Variants in REDIC1 observed in about 807,000 individuals in gnomAD.
REDIC1 encodes regulator of DNA class I crossover intermediates 1.
At chr12:39,742,445 T>C in the REDIC1 span, among the ~76,000 whole-genome samples, 1 of 152,214 alleles carries the variant, frequency 6.6e-6, no homozygotes, top group Admixed American at 6.5e-5. Flanking sequence ...AGATTTCTGA[T>C]TAAACTTCAG....
At chr12:39,773,777 C>A in the REDIC1 span, among the ~76,000 whole-genome samples, 1 of 152,176 alleles carries the variant, frequency 6.6e-6, no homozygotes, top group Non-Finnish European at 1.5e-5. Flanking sequence ...CTTCCAACTT[C>A]ATATATTGAG....
the REDIC1 span, among the ~76,000 whole-genome samples, chr12:39,652,310 A>G: frequency 6.6e-6 from 1 of 152,146 alleles, no homozygotes; most frequent in African/African-American, 2.4e-5. Flanking sequence ...TAAAAAAACT[A>G]CCGAACTATT....
the REDIC1 span, among the ~76,000 whole-genome samples, chr12:39,657,399 A>G: frequency 6.6e-6 from 1 of 152,212 alleles, no homozygotes; most frequent in African/African-American, 2.4e-5. Flanking sequence ...CACAATGACA[A>G]AATTGCCTAA....
the REDIC1 span, among the ~76,000 whole-genome samples, chr12:39,881,747 T>C: frequency 6.6e-6 from 1 of 152,154 alleles, no homozygotes; most frequent in Non-Finnish European, 1.5e-5. Context: ...TTTAGATACC[T>C]CTGGGCCTGA....
chr12:39,788,971 T>G, the REDIC1 span, among the ~76,000 whole-genome samples: 1 of 152,106 alleles, frequency 6.6e-6, no homozygotes, highest in Non-Finnish European at 1.5e-5. Flanking sequence ...GCAAACAAAA[T>G]CGGATTGATG....
the REDIC1 span, among the ~76,000 whole-genome samples, chr12:39,653,492 G>GCCTTCTTCTTCTTCTTCTTCTTCT: frequency 1.8e-5 from 1 of 54,288 alleles, no homozygotes; most frequent in Non-Finnish European, 4.3e-5. Context: ...CAATCTGGAT[G>GCCTTCTTCTTCTTCTTCTTCTTCT]TCTTCTTCTT....
At chr12:39,714,169 A>ATATATGTATATACGTATGTAGACGTG in the REDIC1 span, among the ~76,000 whole-genome samples, 1 of 146,832 alleles carries the variant, frequency 6.8e-6, no homozygotes, top group African/African-American at 2.4e-5. Flanking sequence ...ATATATGCGT[A>ATATATGTATATACGTATGTAGACGTG]TATGTATATA....
the REDIC1 span, among the ~76,000 whole-genome samples, chr12:39,875,653 A>T: frequency 6.6e-6 from 1 of 152,204 alleles, no homozygotes; most frequent in Non-Finnish European, 1.5e-5. Context: ...TTTAAAAGGT[A>T]ATCAGTTCTA....
chr12:39,653,414 G>A, the REDIC1 span, among the ~76,000 whole-genome samples: 2 of 151,692 alleles, frequency 1.3e-5, no homozygotes, highest in South Asian at 2.1e-4. Context: ...TAATAGTTGA[G>A]TAGGGGTTTT....
At chr12:39,721,305 C>A in the REDIC1 span, 1 of 1,443,658 alleles carries the variant, frequency 6.9e-7, no homozygotes, top group Non-Finnish European at 9.5e-7. Flanking sequence ...TAGAAAACAA[C>A]AGTAAATGTT....
chr12:39,895,524 AT>A, the REDIC1 span, among the ~76,000 whole-genome samples: 1 of 28,606 alleles, frequency 3.5e-5, no homozygotes, highest in Non-Finnish European at 7.2e-5. Flanking sequence ...TTATATATAT[AT>A]ATATATATAT....
the REDIC1 span, chr12:39,721,292 C>T: frequency 5.3e-6 from 8 of 1,512,270 alleles, no homozygotes; most frequent in Non-Finnish European, 5.4e-6. Context: ...TTTCACTTGC[C>T]CTTAGAAAAC....
chr12:39,870,989 T>C, the REDIC1 span, among the ~76,000 whole-genome samples: 1 of 152,212 alleles, frequency 6.6e-6, no homozygotes, highest in Non-Finnish European at 1.5e-5. Context: ...AACTATCTTT[T>C]AATGGAAAAA....
At chr12:39,757,347 A>G in the REDIC1 span, 2 of 151,886 alleles carry the variant, frequency 1.3e-5, no homozygotes, top group African/African-American at 4.8e-5. Flanking sequence ...ATTGTCCTAC[A>G]AAATATATAT....
At chr12:39,680,114 AAAAC>A in the REDIC1 span, among the ~76,000 whole-genome samples, 2 of 152,222 alleles carry the variant, frequency 1.3e-5, no homozygotes, top group African/African-American at 4.8e-5. Context: ...AAATGCAACA[AAAAC>A]AAAAATAAAC....
chr12:39,769,388 A>G, the REDIC1 span, among the ~76,000 whole-genome samples: 1 of 152,130 alleles, frequency 6.6e-6, no homozygotes. Flanking sequence ...AGGACTTGAT[A>G]CATTTGAATC....
the REDIC1 span, among the ~76,000 whole-genome samples, chr12:39,821,386 G>A: frequency 6.6e-6 from 1 of 151,942 alleles, no homozygotes; most frequent in African/African-American, 2.4e-5. Flanking sequence ...CTCCAGCCTG[G>A]GTAACAGAGC....
chr12:39,681,284 A>G, the REDIC1 span, among the ~76,000 whole-genome samples: 2 of 152,078 alleles, frequency 1.3e-5, no homozygotes, highest in South Asian at 4.1e-4. Flanking sequence ...CACACACACA[A>G]AAAAGATTGA....
At chr12:39,825,314 C>G in the REDIC1 span, among the ~76,000 whole-genome samples, 1 of 151,968 alleles carries the variant, frequency 6.6e-6, no homozygotes, top group Non-Finnish European at 1.5e-5. Context: ...CAGATAAATA[C>G]AGAAAAAAAA....
Sources: gnomAD v4.1 joint callset for allele counts (sites outside exome capture counted in the v4.1 genomes callset) on GRCh38, gnomAD v4.1.1 for gene constraint, MANE v1.5 for transcripts, NCBI Gene and HGNC (gene_info 2026-07-23, HGNC 2026-07-21) for gene names.